Variants in ADGRD1 observed in about 807,000 individuals in gnomAD.
ADGRD1 encodes adhesion G protein-coupled receptor D1.
A neutral mutation model predicts 113.4 loss-of-function variants in ADGRD1; 77 were observed. That is an observed-to-expected ratio of 0.68 (90% CI 0.57 to 0.82). ADGRD1 has a LOEUF of 0.82. Ranked by LOEUF, ADGRD1 falls within the 40% of genes least tolerant of loss-of-function variation. ADGRD1 has a pLI of 0.00. For synonymous variants in ADGRD1, 474 were observed against 475.0 expected, an observed-to-expected ratio of 1.00 and a Z score of 0.03; for missense variants, 1,036 against 1,139.1, an observed-to-expected ratio of 0.91 and a Z score of 1.30.
chr12:131,125,497 G>A (rs1950719150), intron 20 of ADGRD1, among the ~76,000 whole-genome samples: 1 of 152,138 alleles, frequency 6.6e-6, no homozygotes, highest in Non-Finnish European at 1.5e-5. Context: ...CAGAGATATG[G>A]TTACAGATAT....
intron 13 of ADGRD1, among the ~76,000 whole-genome samples, chr12:131,015,582 A>T (rs796692217): frequency 1.8e-5 from 1 of 54,146 alleles, no homozygotes; most frequent in Non-Finnish European, 5.6e-5. Context: ...GGGAATGGAG[A>T]TGGAGATGGA....
At chr12:131,044,688 C>T (rs1882493983) in intron 13 of ADGRD1, among the ~76,000 whole-genome samples, 1 of 152,210 alleles carries the variant, frequency 6.6e-6, no homozygotes, top group African/African-American at 2.4e-5. Flanking sequence ...TCCAGATTTC[C>T]CCTCGTGTTT....
At chr12:131,109,771 C>G (rs1421251136) in intron 18 of ADGRD1, among the ~76,000 whole-genome samples, 2 of 152,116 alleles carry the variant, frequency 1.3e-5, no homozygotes, top group African/African-American at 4.8e-5. Flanking sequence ...TTGTTCAAGT[C>G]TTCTATTTCA....
rs1869318936 is a variant in ADGRD1, at chr12:130,954,742, C to T, written c.103+82C>T. 3.7e-6 allele frequency: 5 copies of T among 1,349,136 alleles called. No homozygotes were observed. Among genetic ancestry groups the T allele is most frequent in the South Asian group, 3.5e-5 (3 of 85,222 alleles). The allele number at this position is 1,349,136 out of a possible 1,614,324, so 83.6% of individuals were successfully genotyped here. A position where few individuals can be genotyped will look rare whatever the true frequency, so the allele number is the denominator to read the frequency against. ...TCTCAGGAACAGCCCACTTGTTCATCTCTGAGGCATCAGCGAATGGCCCTT... is the reference window on the plus strand; with the variant it reads ...TCTCAGGAACAGCCCACTTGTTCATTTCTGAGGCATCAGCGAATGGCCCTT... On this transcript the variant is annotated intron_variant, in intron 2 of 24. Transcript: ENST00000261654. The surrounding 1 kb of genome is among the most constrained non-coding windows in gnomAD (Gnocchi z 4.7).
At chr12:131,052,741 G>C (rs1288143077) in intron 13 of ADGRD1, among the ~76,000 whole-genome samples, 1 of 152,164 alleles carries the variant, frequency 6.6e-6, no homozygotes, top group African/African-American at 2.4e-5. Context: ...CCCACCTCTA[G>C]GACTCCATTT....
chr12:130,979,614 A>T (rs1872706168), intron 4 of ADGRD1, among the ~76,000 whole-genome samples: 1 of 152,236 alleles, frequency 6.6e-6, no homozygotes, highest in South Asian at 2.1e-4. Flanking sequence ...TTATAGAAAT[A>T]AAGCCCAGGG....
chr12:131,032,350 A>G (rs1216257125), intron 13 of ADGRD1, among the ~76,000 whole-genome samples: 1 of 151,532 alleles, frequency 6.6e-6, no homozygotes, highest in Non-Finnish European at 1.5e-5. Context: ...AGCACGAATC[A>G]TCTCACGGGT....
chr12:131,044,881 C>T (rs938346360), intron 13 of ADGRD1, among the ~76,000 whole-genome samples: 1 of 152,216 alleles, frequency 6.6e-6, no homozygotes, highest in Non-Finnish European at 1.5e-5. Context: ...GCCCGCCTCG[C>T]GCCGTATTCC....
At chr12:131,097,912 C>T (rs1887408193) in intron 15 of ADGRD1, among the ~76,000 whole-genome samples, 1 of 152,334 alleles carries the variant, frequency 6.6e-6, no homozygotes, top group Admixed American at 6.5e-5. Flanking sequence ...GGCTTCCTGC[C>T]AAGTCCAACC....
intron 4 of ADGRD1, among the ~76,000 whole-genome samples, chr12:130,979,656 C>T (rs374568196): frequency 3.9e-5 from 6 of 152,294 alleles, no homozygotes; most frequent in South Asian, 2.1e-4. Flanking sequence ...CCTGCACCCA[C>T]CGTCCCATCA....
At chr12:131,138,422 TCAC>T (rs959166497) in intron 24 of ADGRD1, among the ~76,000 whole-genome samples, 193 bp downstream of exon 24, 1 of 152,148 alleles carries the variant, frequency 6.6e-6, no homozygotes, top group African/African-American at 2.4e-5. Flanking sequence ...CCTGATGAAG[TCAC>T]CACAGCCCTA....
chr12:131,070,066 G>T (rs1363223518), intron 13 of ADGRD1: 1 of 152,222 alleles, frequency 6.6e-6, no homozygotes, highest in Non-Finnish European at 1.5e-5. Context: ...GCCTGTCCGT[G>T]TGCAGGTCTG....
At chr12:131,085,787 G>A (rs1886420743) in intron 15 of ADGRD1, among the ~76,000 whole-genome samples, 1 of 152,194 alleles carries the variant, frequency 6.6e-6, no homozygotes, top group South Asian at 2.1e-4. Flanking sequence ...TGGGCATTTT[G>A]GGGCCTGAGA....
At chr12:131,056,914 A>G (rs1176974678) in intron 13 of ADGRD1, among the ~76,000 whole-genome samples, 1 of 152,302 alleles carries the variant, frequency 6.6e-6, no homozygotes, top group East Asian at 1.9e-4. Context: ...GGGAGAACTG[A>G]AGACACCCAT....
intron 13 of ADGRD1, among the ~76,000 whole-genome samples, chr12:131,018,580 C>T (rs909098660): frequency 2.6e-5 from 4 of 152,186 alleles, no homozygotes; most frequent in Admixed American, 6.5e-5. Flanking sequence ...TAAACAATCC[C>T]GCTCTTCTAT....
At chr12:131,139,098 G>T (rs915304202) in intron 24 of ADGRD1, 70 bp from the exon 25 acceptor site, 1 of 1,203,744 alleles carries the variant, frequency 8.3e-7, no homozygotes, top group Middle Eastern at 1.9e-4. Flanking sequence ...AATGCTCCCC[G>T]CACTCACTGG....
At chr12:131,134,448 C>G (rs1321120435) in intron 21 of ADGRD1, among the ~76,000 whole-genome samples, 6 of 152,236 alleles carry the variant, frequency 3.9e-5, no homozygotes, top group African/African-American at 1.4e-4. Flanking sequence ...CAAACCATCA[C>G]TTTAAAAGTA....
intron 14 of ADGRD1, among the ~76,000 whole-genome samples, chr12:131,083,437 A>G (rs1886219564): frequency 6.6e-6 from 1 of 152,202 alleles, no homozygotes; most frequent in South Asian, 2.1e-4. Flanking sequence ...CTATATCTCT[A>G]CAAAAATAAA....
intron 12 of ADGRD1, among the ~76,000 whole-genome samples, chr12:131,008,722 G>A (rs1236000821): frequency 5.3e-5 from 8 of 152,206 alleles, no homozygotes; most frequent in Non-Finnish European, 8.8e-5. Flanking sequence ...ACGGGTGCTC[G>A]TGCTAGGCTC....
Sources: allele counts gnomAD v4.1 joint callset (sites outside exome capture counted in the v4.1 genomes callset), GRCh38; gene constraint gnomAD v4.1.1; non-coding constraint Gnocchi (gnomAD v3.1); transcripts MANE v1.5; gene names NCBI Gene and HGNC (gene_info 2026-07-23, HGNC 2026-07-21).